Variants in NUBP2 observed in about 807,000 individuals in gnomAD.
NUBP2 encodes the protein NUBP iron-sulfur cluster assembly factor 2, cytosolic, also known as cytosolic Fe-S cluster assembly factor NUBP2.
Under a neutral mutation model 24.9 loss-of-function variants are expected in NUBP2, and 23 were observed. The ratio of observed to expected loss-of-function variants is 0.92; its 90% CI spans 0.66 to 1.31. NUBP2 has a LOEUF of 1.31. Ranked by LOEUF, NUBP2 falls within the 50% of genes most tolerant of loss-of-function variation. The probability of loss-of-function intolerance (pLI) is 0.00; values close to 1 mark genes in which losing one functional copy is unlikely to be tolerated. For synonymous variants in NUBP2, 186 were observed against 170.9 expected, an observed-to-expected ratio of 1.09 and a Z score of -0.69; for missense variants, 403 against 386.5, an observed-to-expected ratio of 1.04 and a Z score of -0.36.
At chr16:1,784,630 T>A (rs1030153560) in intron 1 of NUBP2, 3 of 151,580 alleles carry the variant, frequency 2.0e-5, no homozygotes, top group African/African-American at 7.3e-5. Context: ...GGTCTCGAAC[T>A]CCTGACCTCA....
Position 1,785,057 on chromosome 16 carries a change from A to G in NUBP2, c.17-1480A>G, listed in dbSNP as rs1567234235. 4.1e-6 allele frequency: 4 copies of G among 983,378 alleles called. No individual in the cohort carries two copies. The African/African-American group carries it at 5.2e-5, about 13-fold the overall frequency. 60.9% of individuals were successfully genotyped at this position (983,378 alleles called of 1,614,324 possible). A position where few individuals can be genotyped will look rare whatever the true frequency, so the allele number is the denominator to read the frequency against. On this transcript the variant is annotated intron_variant, in intron 1 of 6. Coordinates refer to ENST00000262302, the MANE Select transcript of NUBP2 (RefSeq NM_012225.4). ...ACAGAATGAGACCCCCTCTCAAAAT[A>G]AAAATATACATTTACTGTAAAAATA...
At chr16:1,783,457 C>T in intron 1 of NUBP2, 1 of 1,000,308 alleles carries the variant, frequency 1.0e-6, no homozygotes, top group African/African-American at 1.7e-5. Context: ...CAGAATCTCA[C>T]ATGCTTTTAA....
intron 3 of NUBP2, chr16:1,787,217 G>C (rs1897017841): frequency 2.2e-6 from 1 of 448,924 alleles, no homozygotes; most frequent in Admixed American, 3.8e-5. Context: ...TGAGGCCCCA[G>C]TGTGGCAGGT....
In NUBP2 at chr16:1,786,847, T is replaced by C. The variant is rs756894398; in HGVS notation, c.226T>C (p.Trp76Arg). 1.3e-6 allele frequency: 2 copies of C among 1,595,698 alleles called. No individual in the cohort carries two copies. The highest frequency in any genetic ancestry group is 1.7e-6 in the Non-Finnish European group (2 of 1,167,378). Residue 76 changes from tryptophan to arginine, a missense_variant, in exon 3 of 7, where the codon TGG becomes CGG. Physicochemically the swap from Trp to Arg is moderately radical, Grantham distance 101 (BLOSUM62 -3). Coordinates refer to ENST00000262302, the MANE Select transcript of NUBP2 (RefSeq NM_012225.4). Reference protein sequence around the residue: ...GRAVHQCDRGWAPVFLDREQS... With the variant: ...GRAVHQCDRGRAPVFLDREQS... ...GGCTGTGCACCAGTGCGACCGCGGC[T>C]GGGCACCCGTCTTCCTGGACCGGGA...
At chr16:1,788,345 G>A (rs551395673) in intron 6 of NUBP2, 138 bp downstream of exon 6, 24 of 1,084,814 alleles carry the variant, frequency 2.2e-5, no homozygotes, top group South Asian at 1.4e-4. Context: ...CGGGCCACAC[G>A]CCATGCCGCT....
Position 1,789,078 on chromosome 16 carries a change from T to A in NUBP2, c.*364T>A. On this transcript the variant is annotated 3_prime_UTR_variant, in exon 7 of 7. Coordinates refer to ENST00000262302, the MANE Select transcript of NUBP2 (RefSeq NM_012225.4). ...CCTCCAGCACCCTGGGTCGCTGTCA[T>A]CTGTGTTTAGCTCGGGGAGTGCCCC... 4.6e-6 allele frequency: 1 copy of A among 216,666 alleles called. No homozygotes were observed. The highest frequency in any genetic ancestry group is 9.1e-6 in the Non-Finnish European group (1 of 110,112). The allele number at this position is 216,666 out of a possible 1,614,324, so 13.4% of individuals were successfully genotyped here.
rs1418230141 is a variant in NUBP2 at position 1,787,720 on chromosome 16, G to A, written c.378G>A (p.Leu126=). 3.1e-6 allele frequency: 5 copies of A among 1,612,662 alleles called. No individual in the cohort carries two copies. The highest frequency in any genetic ancestry group is 4.2e-6 in the Non-Finnish European group (5 of 1,179,926). Reference sequence around the variant, plus strand: ...TGTCCGACGTGGCCTGGGGGGAGCTGGACTACCTGGTGGTGGACACGCCCC... The same window carrying A: ...TGTCCGACGTGGCCTGGGGGGAGCTAGACTACCTGGTGGTGGACACGCCCC... ...QFVSDVAWGE[L]DYLVVDTPPG... The change falls in exon 4 of 7, where the codon CTG becomes CTA. Residue 126 remains leucine (L), a synonymous_variant. Coordinates refer to ENST00000262302, the MANE Select transcript of NUBP2 (RefSeq NM_012225.4).
At chr16:1,783,432 A>G in intron 1 of NUBP2, 1 of 1,014,476 alleles carries the variant, frequency 9.9e-7, no homozygotes, top group Middle Eastern at 4.8e-4. Flanking sequence ...GCAGTCATGA[A>G]AGTAAGACGG....
At chr16:1,785,641 G>A (rs1896924986) in intron 1 of NUBP2, 1 of 1,288,332 alleles carries the variant, frequency 7.8e-7, no homozygotes, top group Admixed American at 2.3e-5. Flanking sequence ...GTTTGCAGGA[G>A]TGTGGGGCTG....
chr16:1,783,074 C>G (rs1896797202), intron 1 of NUBP2, 38 bp downstream of exon 1: 2 of 1,246,534 alleles, frequency 1.6e-6, no homozygotes, highest in African/African-American at 3.1e-5. Flanking sequence ...GCTCCAGGGC[C>G]TCGCTTGGGG....
Position 1,786,864 on chromosome 16 carries a change from G to A in NUBP2, c.243G>A (p.Leu81=), listed in dbSNP as rs779454331. 12 of 1,591,654 alleles carry A rather than the reference G, an allele frequency of 7.5e-6. No homozygotes were observed. The highest frequency in any genetic ancestry group is 5.4e-5 in the African/African-American group (4 of 74,528). Reference sequence around the variant, plus strand: ...ACCGCGGCTGGGCACCCGTCTTCCTGGACCGGGAGCAGAGCATCTCGCTCA... The same window carrying A: ...ACCGCGGCTGGGCACCCGTCTTCCTAGACCGGGAGCAGAGCATCTCGCTCA... ...QCDRGWAPVF[L]DREQSISLMS... is the part of the protein sequence containing the mutation. The change falls in exon 3 of 7, where the codon CTG becomes CTA. Residue 81 remains leucine (L), a synonymous_variant. Coordinates refer to ENST00000262302, the MANE Select transcript of NUBP2 (RefSeq NM_012225.4).
At chr16:1,785,503 G>C in intron 1 of NUBP2, 2 of 1,193,254 alleles carry the variant, frequency 1.7e-6, no homozygotes, top group South Asian at 1.5e-5. Context: ...GTCCCCGGCA[G>C]CTACAGAAGT....
intron 1 of NUBP2, 138 bp downstream of exon 1, chr16:1,783,174 G>C: frequency 4.2e-6 from 5 of 1,184,092 alleles, no homozygotes; most frequent in Non-Finnish European, 5.2e-6. Context: ...CCGGGCCAGA[G>C]GCCGCGGCGC....
In NUBP2 at chr16:1,786,237, G is replaced by A. The variant is rs538794455; in HGVS notation, c.17-300G>A. On this transcript the variant is annotated intron_variant, in intron 1 of 6. Coordinates refer to ENST00000262302, the MANE Select transcript of NUBP2 (RefSeq NM_012225.4). ...GTGTGTGTTTGCACACGCGCACGAA[G>A]GAACGCATGCACCCTTCCACACAGC... 767 of 438,938 alleles carry A rather than the reference G, an allele frequency of 1.7e-3. 4 individuals carry two copies. Among genetic ancestry groups the A allele is most frequent in the Non-Finnish European group, 2.5e-3 (605 of 240,082 alleles). 27.2% of individuals were successfully genotyped at this position (438,938 alleles called of 1,614,324 possible). A position where few individuals can be genotyped will look rare whatever the true frequency, so the allele number is the denominator to read the frequency against.
chr16:1,783,626 C>A, intron 1 of NUBP2: 2 of 401,386 alleles, frequency 5.0e-6, no homozygotes, highest in Non-Finnish European at 3.4e-6. Flanking sequence ...GAGTCCGATA[C>A]CAAAAGGAAA....
chr16:1,783,086 C>T (rs1286809381), intron 1 of NUBP2, 50 bp downstream of exon 1: 9 of 1,230,210 alleles, frequency 7.3e-6, no homozygotes, highest in Non-Finnish European at 5.1e-6. Context: ...CGCTTGGGGC[C>T]CCGCCGCGTC....
intron 1 of NUBP2, chr16:1,785,549 C>A (rs1896921156): frequency 8.2e-7 from 1 of 1,220,252 alleles, no homozygotes. Flanking sequence ...CTTCTGGTAC[C>A]TCTTGGTGTT....
chr16:1,786,336 G>A (rs1288087108), intron 1 of NUBP2: 9 of 597,876 alleles, frequency 1.5e-5, no homozygotes, highest in Middle Eastern at 4.5e-4. Context: ...GGTCTTAGAG[G>A]GTCCCCCCGG....
intron 1 of NUBP2, 27 bp downstream of exon 1, chr16:1,783,063 C>A: frequency 7.9e-7 from 1 of 1,258,358 alleles, no homozygotes; most frequent in Non-Finnish European, 1.0e-6. Context: ...GGTGCGGAGC[C>A]GCTCCAGGGC....
Sources: allele counts gnomAD v4.1 joint callset, GRCh38; gene constraint gnomAD v4.1.1; transcripts MANE v1.5; gene names NCBI Gene and HGNC (gene_info 2026-07-23, HGNC 2026-07-21).